Variants in GPC5 observed in about 807,000 individuals in gnomAD.
GPC5 encodes glypican-5.
In GPC5, 47 loss-of-function variants were observed where a neutral mutation model predicts 53.9. The ratio of observed to expected loss-of-function variants is 0.87; its 90% confidence interval spans 0.69 to 1.11. The LOEUF is 1.11. Among genes scored for constraint, GPC5 ranks in the 50% most tolerant of loss-of-function variants. The pLI is 0.00. For missense variants in GPC5, 748 were observed against 713.1 expected, an observed-to-expected ratio of 1.05 and a Z score of -0.56; for synonymous variants, 286 against 263.3, an observed-to-expected ratio of 1.09 and a Z score of -0.84.
chr13:91,623,933 A>G (rs1403948040), intron 2 of GPC5, among the ~76,000 whole-genome samples: 4 of 152,146 alleles, frequency 2.6e-5, no homozygotes, highest in East Asian at 1.9e-4. Flanking sequence ...TAAGAAAATC[A>G]CACTTTTTAA....
intron 7 of GPC5, among the ~76,000 whole-genome samples, chr13:92,515,110 T>TA (rs920250704): frequency 6.6e-5 from 10 of 152,142 alleles, no homozygotes; most frequent in Non-Finnish European, 1.3e-4. Flanking sequence ...GTAAAGAGAA[T>TA]AAAAACTAGA....
intron 7 of GPC5, among the ~76,000 whole-genome samples, chr13:92,698,421 G>GT (rs1337382829): frequency 1.3e-5 from 2 of 151,908 alleles, no homozygotes; most frequent in Admixed American, 6.6e-5. Flanking sequence ...GCAGTGTTTG[G>GT]TTTTTTGTCC....
At chr13:92,364,060 T>G (rs906498272) in intron 7 of GPC5, among the ~76,000 whole-genome samples, 4 of 151,686 alleles carry the variant, frequency 2.6e-5, no homozygotes, top group African/African-American at 9.8e-5. Flanking sequence ...GCATATAAAT[T>G]GGTAAATTGA....
intron 7 of GPC5, among the ~76,000 whole-genome samples, chr13:92,455,140 C>T (rs1014833804): frequency 1.3e-5 from 2 of 152,138 alleles, no homozygotes; most frequent in African/African-American, 4.8e-5. Context: ...ACCAGGACTC[C>T]ACATTCAGAT....
At chr13:92,613,384 A>T (rs1884524869) in intron 7 of GPC5, among the ~76,000 whole-genome samples, 1 of 68,880 alleles carries the variant, frequency 1.5e-5, no homozygotes, top group African/African-American at 5.1e-5. Context: ...AATATATTAT[A>T]TTATATATAA....
At chr13:92,524,357 G>A (rs948967827) in intron 7 of GPC5, among the ~76,000 whole-genome samples, 1 of 152,026 alleles carries the variant, frequency 6.6e-6, no homozygotes, top group Non-Finnish European at 1.5e-5. Context: ...CTAACACAAC[G>A]TAAATGCTAT....
chr13:91,956,749 G>A (rs1178827473), intron 6 of GPC5, among the ~76,000 whole-genome samples: 1 of 152,122 alleles, frequency 6.6e-6, no homozygotes, highest in Non-Finnish European at 1.5e-5. Flanking sequence ...CTACACTAAT[G>A]TGCACACCCA....
At chr13:92,582,549 C>G (rs926162300) in intron 7 of GPC5, among the ~76,000 whole-genome samples, 2 of 151,968 alleles carry the variant, frequency 1.3e-5, no homozygotes, top group African/African-American at 4.8e-5. Context: ...ATCATTGGAA[C>G]TTTGATAGGG....
At chr13:92,696,214 G>A (rs1235886891) in intron 7 of GPC5, among the ~76,000 whole-genome samples, 1 of 152,164 alleles carries the variant, frequency 6.6e-6, no homozygotes, top group African/African-American at 2.4e-5. Flanking sequence ...TATATACTCA[G>A]TAATGGGATT....
Position 92,211,127 on chromosome 13 carries a change from T to A in GPC5, c.1561+66138T>A, listed in dbSNP as rs77007300. Among the ~76,000 whole-genome samples, 537 of 152,162 alleles carry A rather than the reference T, an allele frequency of 3.5e-3. 8 individuals carry two copies. Among genetic ancestry groups the A allele is most frequent in the African/African-American group, 0.013 (522 of 41,516 alleles). Reference sequence around the variant, plus strand: ...ATAAATAGGTGAGTAAAATAAATGATTTTATTTATTTATGAGGAAAAGCAC... The same window carrying A: ...ATAAATAGGTGAGTAAAATAAATGAATTTATTTATTTATGAGGAAAAGCAC... On this transcript the variant is annotated intron_variant, in intron 7 of 7. Transcript: ENST00000377067.
In GPC5 at chr13:92,495,158, C is replaced by T. The variant is rs1167589153; in HGVS notation, c.1561+350169C>T. ...TCTCAGCACGCTGAAAATAATATTA[C>T]ATTGCCAATGTCATTATGGACATAA... On this transcript the variant is annotated intron_variant, in intron 7 of 7. Transcript: ENST00000377067. Among the ~76,000 whole-genome samples the T allele has an allele frequency of 3.3e-5, 5 of 152,190 alleles. No individual in the cohort carries two copies. The East Asian group carries it at 9.6e-4, about 29-fold the overall frequency.
chr13:92,665,381 C>T (rs1886534660), intron 7 of GPC5, among the ~76,000 whole-genome samples: 1 of 152,138 alleles, frequency 6.6e-6, no homozygotes, highest in Non-Finnish European at 1.5e-5. Flanking sequence ...AGAGGCTAAT[C>T]CCACATCCCG....
chr13:92,759,929 G>A (rs549534852), intron 7 of GPC5, among the ~76,000 whole-genome samples: 2 of 152,132 alleles, frequency 1.3e-5, no homozygotes, highest in South Asian at 4.1e-4. Context: ...AAGAAAGGAT[G>A]TCAAACTTTG....
chr13:91,598,931 T>A (rs999766246), intron 2 of GPC5, among the ~76,000 whole-genome samples: 1 of 152,090 alleles, frequency 6.6e-6, no homozygotes, highest in Non-Finnish European at 1.5e-5. Flanking sequence ...ATATACTAAT[T>A]GAAGTATATG....
At chr13:91,986,422 C>G (rs2040409147) in intron 6 of GPC5, among the ~76,000 whole-genome samples, 1 of 152,164 alleles carries the variant, frequency 6.6e-6, no homozygotes, top group Non-Finnish European at 1.5e-5. Context: ...TTACTAGAAA[C>G]TACGATTTAG....
chr13:92,731,023 C>T (rs779737634), intron 7 of GPC5, among the ~76,000 whole-genome samples: 31 of 151,514 alleles, frequency 2.0e-4, no homozygotes, highest in Middle Eastern at 3.4e-3. Flanking sequence ...ATGTATTCTA[C>T]ATATGCCCAC....
chr13:92,206,235 G>T (rs1444151335), intron 7 of GPC5, among the ~76,000 whole-genome samples: 4 of 144,330 alleles, frequency 2.8e-5, no homozygotes, highest in Non-Finnish European at 4.5e-5. Context: ...GCGCAATCTC[G>T]GCTCACTGCA....
chr13:92,164,404 G>A (rs115358611), intron 7 of GPC5, among the ~76,000 whole-genome samples: 5,837 of 152,264 alleles, frequency 0.038, 248 homozygotes, highest in African/African-American at 0.098. Context: ...TGAAGGGGCT[G>A]CAGTTCCCAT....
chr13:92,321,920 A>C (rs896846236), intron 7 of GPC5, among the ~76,000 whole-genome samples: 25 of 152,152 alleles, frequency 1.6e-4, no homozygotes, highest in Non-Finnish European at 8.8e-5. Context: ...AAATATAATA[A>C]TAGCAAAACA....
Sources: gnomAD v4.1 joint callset for allele counts (sites outside exome capture counted in the v4.1 genomes callset) on GRCh38, gnomAD v4.1.1 for gene constraint, MANE v1.5 for transcripts, NCBI Gene and HGNC (gene_info 2026-07-23, HGNC 2026-07-21) for gene names.